ACSS3: variants seen among roughly 807,000 people sequenced by gnomAD.
ACSS3 encodes the protein acyl-CoA synthetase short chain family member 3.
A neutral mutation model predicts 84.2 loss-of-function variants in ACSS3; 64 were observed. The observed-to-expected ratio is 0.76, with a 90% CI of 0.62 to 0.94. The LOEUF (loss-of-function observed/expected upper bound fraction) is 0.94, where lower values mean the gene tolerates loss of function less well. Among genes scored for constraint, ACSS3 ranks in the 40% least tolerant of loss-of-function variants. The pLI, the probability that ACSS3 is intolerant of heterozygous loss-of-function variation, is 0.00. For missense variants in ACSS3, 815 were observed against 867.6 expected, an observed-to-expected ratio of 0.94 and a Z score of 0.76; for synonymous variants, 317 against 310.1, an observed-to-expected ratio of 1.02 and a Z score of -0.23.
intron 9 of ACSS3, among the ~76,000 whole-genome samples, chr12:81,207,743 A>G (rs1180906168): frequency 6.6e-6 from 1 of 152,102 alleles, no homozygotes; most frequent in Non-Finnish European, 1.5e-5. Context: ...GCTAGTTGAC[A>G]TTAGAACCAG....
chr12:81,160,860 T>C (rs966381679), intron 7 of ACSS3, among the ~76,000 whole-genome samples: 3 of 152,174 alleles, frequency 2.0e-5, no homozygotes, highest in African/African-American at 7.2e-5. Context: ...TGTTTATTAA[T>C]TGTGTGGCCT....
chr12:81,235,039 A>G (rs540763241), intron 13 of ACSS3, among the ~76,000 whole-genome samples: 40 of 151,254 alleles, frequency 2.6e-4, no homozygotes, highest in Non-Finnish European at 3.9e-4. Flanking sequence ...TTTATGTTTT[A>G]TATTCAGTTT....
chr12:81,253,030 C>T (rs2034200808), intron 13 of ACSS3, among the ~76,000 whole-genome samples: 2 of 152,148 alleles, frequency 1.3e-5, no homozygotes, highest in Admixed American at 6.5e-5. Context: ...GAAACCATTT[C>T]CTTACTTTCC....
chr12:81,100,682 C>T (rs998571727), intron 1 of ACSS3, among the ~76,000 whole-genome samples: 25 of 152,196 alleles, frequency 1.6e-4, no homozygotes, highest in African/African-American at 4.1e-4. Context: ...AGGTATTTCT[C>T]GCTCATCCTA....
rs2034412382 is a variant in ACSS3, at chr12:81,258,371, G to A, written c.*3449G>A. ...AGACATCAAAACAAATGTAATGTAC[G>A]TGCAAACATAGCAAATTAAAATACA... On this transcript the variant is annotated 3_prime_UTR_variant, in exon 16 of 16. Transcript: ENST00000548058. The A allele has an allele frequency of 6.6e-6, 1 of 152,040 alleles. No individual in the cohort carries two copies. The highest frequency in any genetic ancestry group is 1.5e-5 in the Non-Finnish European group (1 of 68,004). The allele number at this position is 152,040 out of a possible 1,614,324, so 9.4% of individuals were successfully genotyped here.
At chr12:81,176,195 A>T (rs968485911) in intron 8 of ACSS3, among the ~76,000 whole-genome samples, 3 of 152,222 alleles carry the variant, frequency 2.0e-5, no homozygotes, top group South Asian at 2.1e-4. Context: ...AATGTAAAAA[A>T]TCCTGAGACA....
intron 1 of ACSS3, among the ~76,000 whole-genome samples, chr12:81,085,644 G>C (rs538096663): frequency 1.6e-3 from 243 of 152,214 alleles, no homozygotes; most frequent in African/African-American, 5.7e-3. Flanking sequence ...GCCAAATCTT[G>C]GCCAACCTGA....
chr12:81,233,268 A>G, intron 12 of ACSS3, 81 bp from the exon 13 acceptor site: 1 of 1,475,576 alleles, frequency 6.8e-7, no homozygotes, highest in Non-Finnish European at 9.3e-7. Flanking sequence ...TTTCTATTAC[A>G]TTGTGTGTTT....
intron 15 of ACSS3, among the ~76,000 whole-genome samples, chr12:81,254,065 C>T (rs903068531): frequency 5.9e-5 from 9 of 152,066 alleles, no homozygotes; most frequent in African/African-American, 1.4e-4. Context: ...GTTGGGACTA[C>T]AGGTGCATGC....
At chr12:81,187,582 C>A (rs934965432) in intron 8 of ACSS3, among the ~76,000 whole-genome samples, 9 of 151,768 alleles carry the variant, frequency 5.9e-5, no homozygotes, top group Admixed American at 5.9e-4. Context: ...ATTACTAAAT[C>A]ATTTTTTTCA....
At position 81,115,743 on chromosome 12, in the gene ACSS3, C is replaced by T. The variant is rs113950202; in HGVS notation, c.456+6039C>T. 8.7e-3 allele frequency among the ~76,000 whole-genome samples: 1,328 copies of T among 152,184 alleles called. 10 individuals are homozygous for T. The highest frequency in any genetic ancestry group is 0.014 in the Middle Eastern group (4 of 294). On this transcript the variant is annotated intron_variant, in intron 2 of 15. Transcript: ENST00000548058. ...AGAAGACCTTACCAATATTTGAAAA[C>T]CTTAACAAAAATAATAAAGATTCTT...
At chr12:81,199,747 T>C (rs2032016548) in intron 9 of ACSS3, 1 of 1,199,874 alleles carries the variant, frequency 8.3e-7, no homozygotes, top group South Asian at 1.3e-5. Flanking sequence ...CTTTGAAGTG[T>C]CTGTTGGGTT....
At chr12:81,078,059 C>T, upstream of ACSS3, 1 of 1,430,488 alleles carries the variant, frequency 7.0e-7, no homozygotes, top group Non-Finnish European at 9.2e-7. Context: ...TTCCCTCAGG[C>T]CCCAGGAAGT....
chr12:81,148,436 T>C (rs1435964), intron 5 of ACSS3, among the ~76,000 whole-genome samples: 53,654 of 152,102 alleles, frequency 0.35, 10,239 homozygotes, highest in Middle Eastern at 0.44. Flanking sequence ...TTTGTGGTCC[T>C]ATTTCTGAGT....
chr12:81,212,050 T>A (rs949720599), intron 9 of ACSS3, among the ~76,000 whole-genome samples: 3 of 152,244 alleles, frequency 2.0e-5, no homozygotes, highest in African/African-American at 7.2e-5. Flanking sequence ...TTCAGATGTT[T>A]ACTTAAATGT....
chr12:81,231,193 C>T, intron 12 of ACSS3, 55 bp downstream of exon 12: 1 of 1,370,032 alleles, frequency 7.3e-7, no homozygotes, highest in Non-Finnish European at 1.0e-6. Flanking sequence ...ATAATTCTTG[C>T]CTATTAAATT....
At chr12:81,136,358 CA>C (rs975789595) in intron 3 of ACSS3, among the ~76,000 whole-genome samples, 12 of 152,254 alleles carry the variant, frequency 7.9e-5, no homozygotes, top group Admixed American at 3.3e-4. Context: ...TGCTGTAGCA[CA>C]AAAGCATCCT....
At chr12:81,244,160 A>G (rs2033906287) in intron 13 of ACSS3, among the ~76,000 whole-genome samples, 2 of 152,052 alleles carry the variant, frequency 1.3e-5, no homozygotes, top group Admixed American at 6.5e-5. Flanking sequence ...TTCCCTCTTG[A>G]CACTTTAAAT....
At chr12:81,226,649 A>G (rs1921069) in intron 11 of ACSS3, among the ~76,000 whole-genome samples, 12 of 151,994 alleles carry the variant, frequency 7.9e-5, no homozygotes, top group African/African-American at 2.9e-4. Flanking sequence ...TGCTTTTACT[A>G]TATTGCGCTC....
Sources: allele counts gnomAD v4.1 joint callset (sites outside exome capture counted in the v4.1 genomes callset), GRCh38; gene constraint gnomAD v4.1.1; transcripts MANE v1.5; gene names NCBI Gene and HGNC (gene_info 2026-07-23, HGNC 2026-07-21).